The following PCDHA6 variants were observed in gnomAD, a reference collection of about 807,000 sequenced individuals.
PCDHA6 encodes the protein protocadherin alpha 6.
A neutral mutation model predicts 60.3 loss-of-function variants in PCDHA6; 55 were observed. That is an observed-to-expected ratio of 0.91 (90% CI 0.73 to 1.14). The LOEUF is 1.14. Ranked by LOEUF, PCDHA6 falls within the 50% of genes most tolerant of loss-of-function variation. The pLI is 0.00. For synonymous variants in PCDHA6, 652 were observed against 557.9 expected (o/e 1.17, Z -2.38); for missense variants, 1,327 against 1,256.5 (o/e 1.06, Z -0.85).
At chr5:140,984,260 A>G (rs2097093759) in intron 3 of PCDHA6, among the ~76,000 whole-genome samples, 1 of 152,172 alleles carries the variant, frequency 6.6e-6, no homozygotes, top group South Asian at 2.1e-4. Context: ...GTAAGCCACA[A>G]ACTAACTTTG....
intron 1 of PCDHA6, chr5:140,858,692 C>A: frequency 1.7e-6 from 1 of 580,634 alleles, no homozygotes; most frequent in Non-Finnish European, 2.9e-6. Flanking sequence ...TAATATTTTC[C>A]AATACAAATA....
At chr5:140,927,189 G>T in intron 1 of PCDHA6, 1 of 1,614,150 alleles carries the variant, frequency 6.2e-7, no homozygotes. Flanking sequence ...CCTACGACCT[G>T]GTGCTCGAGG....
Position 140,828,898 on chromosome 5 carries a change from G to A in PCDHA6, c.807G>A (p.Arg269=). 6.2e-7 allele frequency: 1 copy of A among 1,614,210 alleles called. No individual in the cohort carries two copies. Among genetic ancestry groups the A allele is most frequent in the Non-Finnish European group, 8.5e-7 (1 of 1,180,044 alleles). The change falls in exon 1 of 4, where the codon CGG becomes CGA. Residue 269 remains arginine (R), a synonymous_variant. Coordinates refer to ENST00000529310, the MANE Select transcript of PCDHA6 (RefSeq NM_018909.4). ...TTATCAGACTGAATGCTTCTGATCG[G>A]GATGAAGGAGCGAATGGGGCAATTT... ...TTVIRLNASD[R]DEGANGAISY...
chr5:140,941,228 T>TTTCTTTCTTTCTTTCTTTC (rs2092920819), intron 1 of PCDHA6, among the ~76,000 whole-genome samples: 1 of 139,066 alleles, frequency 7.2e-6, no homozygotes, highest in Admixed American at 7.4e-5. Flanking sequence ...TCTTTCTTTC[T>TTTCTTTCTTTCTTTCTTTC]TTCTTTCTTT....
intron 1 of PCDHA6, among the ~76,000 whole-genome samples, chr5:140,922,430 A>C (rs574413053): frequency 6.6e-6 from 1 of 152,364 alleles, no homozygotes; most frequent in East Asian, 1.9e-4. Flanking sequence ...GGCTGAGGGC[A>C]GAACTCTCTC....
intron 1 of PCDHA6, chr5:140,866,016 T>C (rs191505079): frequency 6.6e-6 from 1 of 152,304 alleles, no homozygotes; most frequent in African/African-American, 2.4e-5. Flanking sequence ...ATTTTTTTCT[T>C]GTAAGAGTTC....
intron 1 of PCDHA6, chr5:140,868,213 A>G (rs1296985055): frequency 6.6e-6 from 1 of 152,200 alleles, no homozygotes; most frequent in Non-Finnish European, 1.5e-5. Flanking sequence ...GAAATAATAT[A>G]TGTCAAATAA....
At chr5:140,906,502 CAAAG>C (rs1295778527) in intron 1 of PCDHA6, among the ~76,000 whole-genome samples, 1 of 152,180 alleles carries the variant, frequency 6.6e-6, no homozygotes, top group African/African-American at 2.4e-5. Context: ...ATGTTTTTAA[CAAAG>C]AAGGAGGAAA....
At chr5:140,966,259 G>C (rs1358322921) in intron 1 of PCDHA6, 1 of 340,612 alleles carries the variant, frequency 2.9e-6, no homozygotes, top group Non-Finnish European at 5.3e-6. Context: ...AGACGGTGGA[G>C]ACTGGATGAA....
At chr5:140,901,666 T>C (rs539450371) in intron 1 of PCDHA6, among the ~76,000 whole-genome samples, 12 of 152,346 alleles carry the variant, frequency 7.9e-5, no homozygotes, top group African/African-American at 2.6e-4. Context: ...TTGCTCAAGA[T>C]ACCTTTAGGT....
chr5:140,968,206 G>A lies in PCDHA6; in HGVS notation c.2395-10743G>A, dbSNP rs782751494. Reference sequence around the variant, plus strand: ...ACTCCTATTCCATCTACATACAGGAGAACAATTTGCCAGGTGTGTTGCTCT... The same window carrying A: ...ACTCCTATTCCATCTACATACAGGAAAACAATTTGCCAGGTGTGTTGCTCT... On this transcript the variant is annotated intron_variant, in intron 1 of 3. Coordinates refer to ENST00000529310, the MANE Select transcript of PCDHA6 (RefSeq NM_018909.4). 170 of 1,613,876 alleles carry A rather than the reference G, an allele frequency of 1.1e-4. 1 individual carries two copies. Among genetic ancestry groups the A allele is most frequent in the Non-Finnish European group, 1.4e-4 (163 of 1,180,042 alleles).
intron 1 of PCDHA6, chr5:140,856,033 A>T: frequency 1.3e-6 from 2 of 1,564,122 alleles, no homozygotes; most frequent in Non-Finnish European, 1.7e-6. Flanking sequence ...GATTTGTAAA[A>T]CAAGAGAAGG....
intron 1 of PCDHA6, among the ~76,000 whole-genome samples, chr5:140,909,201 C>T (rs1379290108): frequency 2.0e-5 from 3 of 152,136 alleles, no homozygotes; most frequent in South Asian, 2.1e-4. Context: ...GACACAAAGC[C>T]GGAGAGTTGA....
At chr5:140,981,982 A>G (rs1026116713) in intron 2 of PCDHA6, among the ~76,000 whole-genome samples, 6 of 152,218 alleles carry the variant, frequency 3.9e-5, no homozygotes, top group Admixed American at 2.0e-4. Context: ...AAAGAGTAAA[A>G]TAGAAAATAA....
At chr5:140,954,299 C>T (rs964431670) in intron 1 of PCDHA6, among the ~76,000 whole-genome samples, 2 of 152,166 alleles carry the variant, frequency 1.3e-5, no homozygotes, top group Non-Finnish European at 2.9e-5. Context: ...GGTACATACC[C>T]AGTAATGGGA....
rs558801074 is a variant in PCDHA6 at position 140,931,826 on chromosome 5, G to A, written c.2395-47123G>A. On this transcript the variant is annotated intron_variant, in intron 1 of 3. Transcript: ENST00000529310. ...TCTTTAGAAAAGAATTCTTGTCATA[G>A]TATCCTGAATGCCTTAATAACAACA... Among the ~76,000 whole-genome samples, 28 of 151,962 alleles carry A rather than the reference G, an allele frequency of 1.8e-4. No homozygotes were observed. In the South Asian group the frequency reaches 5.4e-3, roughly 29 times the overall value.
At chr5:140,861,267 A>G (rs1251447795) in intron 1 of PCDHA6, 4 of 174,546 alleles carry the variant, frequency 2.3e-5, no homozygotes, top group African/African-American at 9.5e-5. Context: ...CGGAGCCTAC[A>G]GCACTGGCTT....
chr5:140,927,901 G>A lies in PCDHA6; in HGVS notation c.2395-51048G>A, dbSNP rs370478984. On this transcript the variant is annotated intron_variant, in intron 1 of 3. Transcript: ENST00000529310. ...GGAGGTGACTGACGTGAACGATCAT[G>A]CCCCCGAACTGGACTTCCTGACTCT... The A allele has an allele frequency of 6.2e-6, 10 of 1,614,084 alleles. No individual in the cohort carries two copies. Among genetic ancestry groups the A allele is most frequent in the Non-Finnish European group, 8.5e-6 (10 of 1,180,046 alleles).
At chr5:140,908,985 C>G (rs2074252217) in intron 1 of PCDHA6, among the ~76,000 whole-genome samples, 1 of 152,130 alleles carries the variant, frequency 6.6e-6, no homozygotes, top group African/African-American at 2.4e-5. Context: ...CCACTGGACC[C>G]CTAGAAATTT....
Sources: allele counts gnomAD v4.1 joint callset (sites outside exome capture counted in the v4.1 genomes callset), GRCh38; gene constraint gnomAD v4.1.1; transcripts MANE v1.5; gene names NCBI Gene and HGNC (gene_info 2026-07-23, HGNC 2026-07-21).